CHRNA3: variants seen among roughly 807,000 people sequenced by gnomAD.
CHRNA3 encodes the protein neuronal acetylcholine receptor subunit alpha-3.
A neutral mutation model predicts 41.9 loss-of-function variants in CHRNA3; 34 were observed. The observed-to-expected ratio is 0.81, with a 90% CI of 0.62 to 1.08. CHRNA3 has a LOEUF of 1.08. Among genes scored for constraint, CHRNA3 ranks in the 50% least tolerant of loss-of-function variants. CHRNA3 has a pLI of 0.00. For missense variants in CHRNA3, 542 were observed against 638.3 expected, an observed-to-expected ratio of 0.85 and a Z score of 1.63; for synonymous variants, 281 against 265.2, an observed-to-expected ratio of 1.06 and a Z score of -0.58.
At chr15:78,611,418 AT>A (rs2141337892) in intron 4 of CHRNA3, among the ~76,000 whole-genome samples, 1 of 151,458 alleles carries the variant, frequency 6.6e-6, no homozygotes, top group Non-Finnish European at 1.5e-5. Flanking sequence ...GGTTCAACAT[AT>A]GCAAATCAAC....
intron 4 of CHRNA3, among the ~76,000 whole-genome samples, chr15:78,615,192 C>A (rs1386028333): frequency 1.3e-5 from 2 of 152,182 alleles, no homozygotes; most frequent in Non-Finnish European, 2.9e-5. Flanking sequence ...TACATGGGAA[C>A]CTTGCTTCAC....
Position 78,620,883 on chromosome 15 carries a change from C to T in CHRNA3, c.-89G>A. ...GGCCTCTCCCCGCGCGGCTCCAGCG[C>T]AGACCCCAGACCTGGAGCCGTGCGG... is the stretch of plus-strand genomic sequence containing the variant. On this transcript the variant is annotated 5_prime_UTR_variant, in exon 1 of 6. Coordinates refer to ENST00000326828, the MANE Select transcript of CHRNA3 (RefSeq NM_000743.5). The T allele has an allele frequency of 7.9e-7, 1 of 1,273,466 alleles. No homozygotes were observed. The highest frequency in any genetic ancestry group is 3.3e-5 in the East Asian group (1 of 30,472). 78.9% of individuals were successfully genotyped at this position (1,273,466 alleles called of 1,614,324 possible). A position where few individuals can be genotyped will look rare whatever the true frequency, so the allele number is the denominator to read the frequency against.
chr15:78,596,999 T>C (rs1336499481), intron 5 of CHRNA3, among the ~76,000 whole-genome samples: 1 of 152,238 alleles, frequency 6.6e-6, no homozygotes, highest in Non-Finnish European at 1.5e-5. Context: ...AACCTAGTTT[T>C]TCTAAACTGA....
intron 5 of CHRNA3, among the ~76,000 whole-genome samples, chr15:78,598,835 ATTTT>A (rs34934996): frequency 4.2e-5 from 5 of 118,304 alleles, no homozygotes; most frequent in Non-Finnish European, 8.8e-5. Context: ...TGCACCCGGC[ATTTT>A]TTTTTTTTTT....
At chr15:78,596,804 A>T in intron 5 of CHRNA3, 72 bp from the exon 6 acceptor site, 1 of 1,532,940 alleles carries the variant, frequency 6.5e-7, no homozygotes, top group Non-Finnish European at 8.7e-7. Flanking sequence ...AATACTGAAG[A>T]TGTAATCAAC....
In CHRNA3 at chr15:78,620,912, G is replaced by T; in HGVS notation, c.-118C>A. 1 of 1,213,834 alleles carries T rather than the reference G, an allele frequency of 8.2e-7. No individual in the cohort carries two copies. Among genetic ancestry groups the T allele is most frequent in the African/African-American group, 1.6e-5 (1 of 63,108 alleles). 75.2% of individuals were successfully genotyped at this position (1,213,834 alleles called of 1,614,324 possible). On this transcript the variant is annotated 5_prime_UTR_variant, in exon 1 of 6. Transcript: ENST00000326828. ...CCCCAGACCTGGAGCCGTGCGGGCGGAGACGCGCGGGGCTCCTCTCCGCTT... is the reference window on the plus strand; with the variant it reads ...CCCCAGACCTGGAGCCGTGCGGGCGTAGACGCGCGGGGCTCCTCTCCGCTT...
Position 78,617,130 on chromosome 15 carries a change from A to G in CHRNA3, c.271T>C (p.Trp91Arg), listed in dbSNP as rs1596084464. 6.2e-7 allele frequency: 1 copy of G among 1,604,582 alleles called. No homozygotes were observed. The highest frequency in any genetic ancestry group is 2.2e-5 in the East Asian group (1 of 44,836). The change falls in exon 4 of 6, where the codon TGG becomes CGG. Residue 91 changes from tryptophan to arginine, a missense_variant. Coordinates refer to ENST00000326828, the MANE Select transcript of CHRNA3 (RefSeq NM_000743.5). ...TTCCATTTCAGCTTGTAGTCATTCC[A>G]GATCTCGGGGAAGGAAGCAGGGAGG... Reference protein sequence around the residue: ...METNLWLKQIWNDYKLKWNPS... With the variant: ...METNLWLKQIRNDYKLKWNPS...
At chr15:78,604,872 G>A (rs2053258862) in intron 4 of CHRNA3, among the ~76,000 whole-genome samples, 1 of 152,100 alleles carries the variant, frequency 6.6e-6, no homozygotes, top group Admixed American at 6.6e-5. Flanking sequence ...AATTAGCCAG[G>A]TGTGGTGGTG....
chr15:78,618,796 T>C lies in CHRNA3; in HGVS notation c.202A>G (p.Met68Val), dbSNP rs745905590. Residue 68 changes from methionine to valine, a missense_variant, in exon 2 of 6, where the codon ATG (methionine) becomes GTG (valine). By Grantham distance (21) the Met-to-Val change is conservative. Transcript: ENST00000326828. Reference sequence around the variant, plus strand: ...CTCACCACCTTCACCAGCTGAGACATGGACACCTCGAAATGGATGATGACT... The same window carrying C: ...CTCACCACCTTCACCAGCTGAGACACGGACACCTCGAAATGGATGATGACT... ...DPVIIHFEVS[M>V]SQLVKVDEVN... The C allele has an allele frequency of 6.2e-6, 10 of 1,613,980 alleles. No homozygotes were observed. Among genetic ancestry groups the C allele is most frequent in the Middle Eastern group, 1.6e-4 (1 of 6,080 alleles).
chr15:78,620,699 G>A lies in CHRNA3; in HGVS notation c.82+14C>T, dbSNP rs1372226770. 4.7e-6 allele frequency: 7 copies of A among 1,504,458 alleles called. No homozygotes were observed. The East Asian group carries it at 1.9e-4, about 42-fold the overall frequency. The allele number at this position is 1,504,458 out of a possible 1,614,324, so 93.2% of individuals were successfully genotyped here. A position where few individuals can be genotyped will look rare whatever the true frequency, so the allele number is the denominator to read the frequency against. On this transcript the variant is annotated intron_variant, in intron 1 of 5. Transcript: ENST00000326828. ...GCGCCCGTCCCTCCGGAGCCCTAAC[G>A]CCTGTGCGCGTACCTGGCAGCAGAG...
rs60628146 is a variant in CHRNA3 at position 78,595,371 on chromosome 15, CTG to C, written c.*1231_*1232del. 986 of 982,406 alleles carry C rather than the reference CTG, an allele frequency of 1.0e-3. 6 individuals are homozygous for C. In the African/African-American group the frequency reaches 0.017, roughly 17 times the overall value. 60.9% of individuals were successfully genotyped at this position (982,406 alleles called of 1,614,324 possible). On this transcript the variant is annotated 3_prime_UTR_variant, in exon 6 of 6. Transcript: ENST00000326828. The stretch of plus-strand genomic sequence containing the variant: ...TAGTGAGACAAGATTCAAACAGTCT[CTG>C]TGAATCATCTGTCAGTGGTGATGAT...
At chr15:78,620,355 G>A (rs141803044) in intron 1 of CHRNA3, 253 of 181,242 alleles carry the variant, frequency 1.4e-3, no homozygotes, top group African/African-American at 6.2e-3. Context: ...GGGCGCGCCA[G>A]TTTGGGAGCC....
intron 1 of CHRNA3, chr15:78,619,128 G>C (rs1483565442): frequency 1.7e-6 from 1 of 598,248 alleles, no homozygotes; most frequent in South Asian, 2.0e-5. Context: ...CACGCATTCA[G>C]TGAGAAGCAC....
intron 4 of CHRNA3, among the ~76,000 whole-genome samples, chr15:78,608,811 G>C (rs182119557): frequency 0.013 from 1,884 of 149,130 alleles, 53 homozygotes; most frequent in African/African-American, 0.038. Flanking sequence ...CAAACCAATG[G>C]CAAAGAAGTT....
rs948703170 is a variant in CHRNA3, at chr15:78,595,505, A to G, written c.*1099T>C. 2 of 608,598 alleles carry G rather than the reference A, an allele frequency of 3.3e-6. No homozygotes were observed. Among genetic ancestry groups the G allele is most frequent in the Non-Finnish European group, 4.1e-6 (2 of 486,400 alleles). The allele number at this position is 608,598 out of a possible 1,614,324, so 37.7% of individuals were successfully genotyped here. On this transcript the variant is annotated 3_prime_UTR_variant, in exon 6 of 6. Transcript: ENST00000326828. ...CTCCTAAGGGAACATTTAACAATGG[A>G]GACATTCTTGGTTATCATAACTGGT...
intron 4 of CHRNA3, among the ~76,000 whole-genome samples, chr15:78,604,122 G>A (rs1222946639): frequency 6.6e-6 from 1 of 152,122 alleles, no homozygotes; most frequent in Admixed American, 6.6e-5. Context: ...GCAAGCTGTG[G>A]TCCTCTTTCT....
rs762011125 is a variant in CHRNA3, at chr15:78,601,547, G to A, written c.1095C>T (p.Asn365=). 2.5e-5 allele frequency: 41 copies of A among 1,614,050 alleles called. No homozygotes were observed. Among genetic ancestry groups the A allele is most frequent in the African/African-American group, 1.5e-4 (11 of 74,914 alleles). ...FMTRPTSNEG[N]AQKPRPLYGA... ...CGTAGAGGGGCCTCGGCTTCTGAGCGTTGCCCTCGTTGCTTGTTGGCCTGG... is the reference window on the plus strand; with the variant it reads ...CGTAGAGGGGCCTCGGCTTCTGAGCATTGCCCTCGTTGCTTGTTGGCCTGG... Residue 365 remains asparagine (N), a synonymous_variant, in exon 5 of 6, where the codon AAC becomes AAT. Transcript: ENST00000326828.
intron 4 of CHRNA3, among the ~76,000 whole-genome samples, chr15:78,612,333 T>TAACCAAAACAGCATGGTACTGG: frequency 6.8e-6 from 1 of 146,378 alleles, no homozygotes; most frequent in Non-Finnish European, 1.5e-5. Context: ...AAGGCTACAG[T>TAACCAAAACAGCATGGTACTGG]AACCAAAACA....
At position 78,596,260 on chromosome 15, in the gene CHRNA3, T is replaced by C. The variant is rs1052743992; in HGVS notation, c.*344A>G. 3 of 993,366 alleles carry C rather than the reference T, an allele frequency of 3.0e-6. No homozygotes were observed. Among genetic ancestry groups the C allele is most frequent in the African/African-American group, 3.5e-5 (2 of 57,510 alleles). The allele number at this position is 993,366 out of a possible 1,614,324, so 61.5% of individuals were successfully genotyped here. A position where few individuals can be genotyped will look rare whatever the true frequency, so the allele number is the denominator to read the frequency against. On this transcript the variant is annotated 3_prime_UTR_variant, in exon 6 of 6. Transcript: ENST00000326828. ...GATCTGTAGTGATAACTGAATGACTTTTCATATTTCTGAACAGCATTTTTC... is the reference window on the plus strand; with the variant it reads ...GATCTGTAGTGATAACTGAATGACTCTTCATATTTCTGAACAGCATTTTTC...
Sources: gnomAD v4.1 joint callset for allele counts (sites outside exome capture counted in the v4.1 genomes callset) on GRCh38, gnomAD v4.1.1 for gene constraint, MANE v1.5 for transcripts, NCBI Gene and HGNC (gene_info 2026-07-23, HGNC 2026-07-21) for gene names.